The following RIGI variants were observed in gnomAD, a reference collection of about 807,000 sequenced individuals.
The protein encoded by RIGI is antiviral innate immune response receptor RIG-I.
At chr9:32,507,352 T>C in the RIGI span, among the ~76,000 whole-genome samples, 4 of 152,190 alleles carry the variant, frequency 2.6e-5, no homozygotes, top group East Asian at 3.8e-4. Context: ...TGCTATATGA[T>C]ACAAAATGGA....
the RIGI span, chr9:32,488,075 G>A: frequency 6.2e-7 from 1 of 1,614,096 alleles, no homozygotes. Context: ...GGATAGTGAT[G>A]GAATCGTTCC....
At chr9:32,461,621 A>C in the RIGI span, among the ~76,000 whole-genome samples, 2 of 152,180 alleles carry the variant, frequency 1.3e-5, no homozygotes, top group Non-Finnish European at 2.9e-5. Flanking sequence ...ATGACTGCTC[A>C]GGCCTGCCCA....
At chr9:32,504,067 A>ACACACACACACACACACACACC in the RIGI span, among the ~76,000 whole-genome samples, 3 of 151,318 alleles carry the variant, frequency 2.0e-5, no homozygotes, top group East Asian at 1.9e-4. Context: ...ACACACACAC[A>ACACACACACACACACACACACC]CCCAGGTCTG....
chr9:32,485,973 G>A, the RIGI span, among the ~76,000 whole-genome samples: 7 of 152,254 alleles, frequency 4.6e-5, no homozygotes, highest in South Asian at 1.2e-3. Flanking sequence ...GCTCCCAGCA[G>A]TATTCACACT....
the RIGI span, among the ~76,000 whole-genome samples, chr9:32,518,135 A>G: frequency 6.6e-6 from 1 of 152,204 alleles, no homozygotes; most frequent in Admixed American, 6.5e-5. Flanking sequence ...AAATGTGCAA[A>G]AGACAATGTG....
At chr9:32,498,326 G>A in the RIGI span, 93 of 456,586 alleles carry the variant, frequency 2.0e-4, no homozygotes, top group Non-Finnish European at 3.8e-4. Flanking sequence ...CCAGGTGCAT[G>A]CTTCTACTTT....
At chr9:32,493,256 C>T in the RIGI span, among the ~76,000 whole-genome samples, 1 of 152,182 alleles carries the variant, frequency 6.6e-6, no homozygotes, top group South Asian at 2.1e-4. Flanking sequence ...TATTCACAGA[C>T]TGTGGTGATT....
the RIGI span, chr9:32,487,933 CT>C: frequency 2.5e-6 from 4 of 1,613,060 alleles, no homozygotes; most frequent in East Asian, 8.9e-5. Flanking sequence ...ATTCGTCTGA[CT>C]TTGGAGATAC....
chr9:32,473,118 TAATTC>T, the RIGI span: 3 of 1,303,700 alleles, frequency 2.3e-6, no homozygotes, highest in South Asian at 1.4e-5. Flanking sequence ...TCATTTGTAT[TAATTC>T]AATATTGAAA....
the RIGI span, among the ~76,000 whole-genome samples, chr9:32,499,618 GC>G: frequency 4.6e-5 from 7 of 151,910 alleles, no homozygotes; most frequent in Non-Finnish European, 1.0e-4. Context: ...ACCACGCCTG[GC>G]TAATTTTTGT....
At chr9:32,464,563 G>A in the RIGI span, among the ~76,000 whole-genome samples, 1 of 152,120 alleles carries the variant, frequency 6.6e-6, no homozygotes, top group African/African-American at 2.4e-5. Context: ...CTAATTTTTT[G>A]TATTTTTAGT....
the RIGI span, chr9:32,456,489 A>C: frequency 6.6e-6 from 1 of 152,212 alleles, no homozygotes; most frequent in Admixed American, 6.5e-5. Flanking sequence ...GTATGTATGT[A>C]TATTAGTTAC....
chr9:32,458,725 C>T, the RIGI span, among the ~76,000 whole-genome samples: 5 of 152,142 alleles, frequency 3.3e-5, no homozygotes, highest in African/African-American at 9.7e-5. Context: ...CCAGTTTCCC[C>T]AAATGTTAAC....
At chr9:32,476,050 G>A in the RIGI span, among the ~76,000 whole-genome samples, 6 of 151,874 alleles carry the variant, frequency 4.0e-5, no homozygotes, top group Non-Finnish European at 5.9e-5. Context: ...GTTACAGATC[G>A]CTAACAAGCA....
chr9:32,481,323 T>C, the RIGI span: 1 of 1,608,220 alleles, frequency 6.2e-7, no homozygotes. Flanking sequence ...ATACGACTCT[T>C]AAAAAGAGGA....
chr9:32,485,742 T>C, the RIGI span, among the ~76,000 whole-genome samples: 1 of 152,012 alleles, frequency 6.6e-6, no homozygotes, highest in East Asian at 1.9e-4. Context: ...GGCTTCACCA[T>C]ATTGGCCAGG....
chr9:32,513,752 T>C, the RIGI span, among the ~76,000 whole-genome samples: 1 of 152,308 alleles, frequency 6.6e-6, no homozygotes, highest in African/African-American at 2.4e-5. Context: ...CTAAAGAGCT[T>C]CTGCACAGCT....
the RIGI span, among the ~76,000 whole-genome samples, chr9:32,504,716 T>TATATAAAATATATTTAATAC: frequency 7.0e-6 from 1 of 142,500 alleles, no homozygotes; most frequent in African/African-American, 2.6e-5. Context: ...ACATTTAATA[T>TATATAAAATATATTTAATAC]ATATAAAATA....
At chr9:32,469,745 A>G in the RIGI span, among the ~76,000 whole-genome samples, 1 of 152,320 alleles carries the variant, frequency 6.6e-6, no homozygotes, top group Non-Finnish European at 1.5e-5. Context: ...TTTGGATGTG[A>G]TAATCACCCA....
Sources: gnomAD v4.1 joint callset for allele counts (sites outside exome capture counted in the v4.1 genomes callset) on GRCh38, gnomAD v4.1.1 for gene constraint, MANE v1.5 for transcripts, NCBI Gene and HGNC (gene_info 2026-07-23, HGNC 2026-07-21) for gene names.